The following RPRD2 variants were observed in gnomAD, a reference collection of about 807,000 sequenced individuals.
RPRD2 encodes regulation of nuclear pre-mRNA domain containing 2, also known as regulation of nuclear pre-mRNA domain-containing protein 2.
A neutral mutation model predicts 104.4 loss-of-function variants in RPRD2; 12 were observed. That is an observed-to-expected ratio of 0.11 (90% confidence interval 0.07 to 0.19). The LOEUF is 0.19. RPRD2 is among the 10% of genes least tolerant of loss of function. The pLI is 1.00. For synonymous variants in RPRD2, 714 were observed against 684.9 expected (o/e 1.04, Z -0.66); for missense variants, 1,543 against 1,790.1 (o/e 0.86, Z 2.49).
intron 1 of RPRD2, among the ~76,000 whole-genome samples, chr1:150,403,948 A>G (rs1348637397): frequency 1.3e-5 from 2 of 151,872 alleles, no homozygotes; most frequent in Non-Finnish European, 2.9e-5. Context: ...CTTTTACCCA[A>G]TGTTTTCTTA....
intron 1 of RPRD2, among the ~76,000 whole-genome samples, chr1:150,378,947 A>G (rs2102120397): frequency 6.7e-6 from 1 of 149,010 alleles, no homozygotes; most frequent in South Asian, 2.2e-4. Context: ...GTGCCACTGC[A>G]CATCAGCCTG....
chr1:150,465,644 C>T (rs74748085), intron 10 of RPRD2, among the ~76,000 whole-genome samples: 3,821 of 152,180 alleles, frequency 0.025, 155 homozygotes, highest in African/African-American at 0.087. Context: ...ATTCTTTCAC[C>T]TACACCATGA....
chr1:150,469,338 G>A (rs763257585), intron 10 of RPRD2, among the ~76,000 whole-genome samples: 148 of 152,276 alleles, frequency 9.7e-4, no homozygotes, highest in Non-Finnish European at 1.8e-3. Context: ...TGCAGTGGCA[G>A]AGTCATAGTT....
At chr1:150,437,414 C>A (rs372228664) in intron 2 of RPRD2, among the ~76,000 whole-genome samples, 143 of 152,192 alleles carry the variant, frequency 9.4e-4, no homozygotes, top group African/African-American at 3.3e-3. Flanking sequence ...AAGGCAAGAC[C>A]CTCCACCAGC....
At chr1:150,411,636 C>G (rs1663924539) in intron 1 of RPRD2, among the ~76,000 whole-genome samples, 1 of 127,086 alleles carries the variant, frequency 7.9e-6, no homozygotes, top group East Asian at 2.1e-4. Context: ...ACTGAAAATA[C>G]AAAAATTAGC....
chr1:150,379,631 A>G (rs1028405142), intron 1 of RPRD2, among the ~76,000 whole-genome samples: 1 of 152,148 alleles, frequency 6.6e-6, no homozygotes, highest in East Asian at 1.9e-4. Context: ...CGAACTCCCA[A>G]CCTCAGGTGA....
chr1:150,416,348 CAAGTAT>C (rs1178834467), intron 1 of RPRD2, among the ~76,000 whole-genome samples: 2 of 151,576 alleles, frequency 1.3e-5, no homozygotes, highest in African/African-American at 4.9e-5. Context: ...AATTGAAGAA[CAAGTAT>C]AATAGGAGTG....
intron 1 of RPRD2, among the ~76,000 whole-genome samples, chr1:150,369,819 C>T (rs1180827508): frequency 1.2e-4 from 18 of 150,182 alleles, no homozygotes; most frequent in African/African-American, 1.7e-4. Context: ...CTCACTCTGT[C>T]GCCTAGGCTG....
intron 1 of RPRD2, among the ~76,000 whole-genome samples, chr1:150,384,493 A>T (rs1249212126): frequency 7.0e-6 from 1 of 143,596 alleles, no homozygotes; most frequent in East Asian, 2.0e-4. Flanking sequence ...TATTATTATT[A>T]GGGATGGAGC....
At chr1:150,374,589 C>G (rs186297035) in intron 1 of RPRD2, among the ~76,000 whole-genome samples, 1 of 152,204 alleles carries the variant, frequency 6.6e-6, no homozygotes, top group East Asian at 1.9e-4. Context: ...ATGCTCTCTT[C>G]CAGTGTCAGA....
chr1:150,375,913 A>G (rs1262846179), intron 1 of RPRD2, among the ~76,000 whole-genome samples: 1 of 152,206 alleles, frequency 6.6e-6, no homozygotes, highest in Non-Finnish European at 1.5e-5. Context: ...TTGTCAAGGA[A>G]ACAAAAAGTA....
At chr1:150,380,255 C>G (rs1308238493) in intron 1 of RPRD2, among the ~76,000 whole-genome samples, 1 of 152,154 alleles carries the variant, frequency 6.6e-6, no homozygotes, top group Non-Finnish European at 1.5e-5. Flanking sequence ...ATAAATTTAG[C>G]TATTTGAAAA....
intron 2 of RPRD2, among the ~76,000 whole-genome samples, chr1:150,426,628 T>C (rs1665141788): frequency 6.6e-6 from 1 of 152,074 alleles, no homozygotes; most frequent in Non-Finnish European, 1.5e-5. Context: ...ACTAATTAAA[T>C]TTAAAACAAA....
chr1:150,435,648 G>A (rs1269446485), intron 2 of RPRD2, among the ~76,000 whole-genome samples: 8 of 152,232 alleles, frequency 5.3e-5, no homozygotes, highest in Admixed American at 5.2e-4. Flanking sequence ...TGAAGGTTGA[G>A]AGAGGTGAGG....
At chr1:150,379,151 C>T (rs587619680) in intron 1 of RPRD2, among the ~76,000 whole-genome samples, 24 of 149,336 alleles carry the variant, frequency 1.6e-4, no homozygotes, top group African/African-American at 5.2e-4. Flanking sequence ...GTCATGGTGG[C>T]GTGCGCCTGT....
chr1:150,377,167 C>A (rs146423251), intron 1 of RPRD2, among the ~76,000 whole-genome samples: 1 of 149,924 alleles, frequency 6.7e-6, no homozygotes, highest in East Asian at 2.0e-4. Flanking sequence ...GCTGAGATTA[C>A]GCCACTACAC....
At chr1:150,469,365 G>A (rs1668470707) in intron 10 of RPRD2, among the ~76,000 whole-genome samples, 1 of 152,086 alleles carries the variant, frequency 6.6e-6, no homozygotes, top group Non-Finnish European at 1.5e-5. Flanking sequence ...CTGTAACCTT[G>A]AACTGGGCAC....
At chr1:150,433,460 T>A (rs1166152375) in intron 2 of RPRD2, among the ~76,000 whole-genome samples, 1 of 144,172 alleles carries the variant, frequency 6.9e-6, no homozygotes, top group Non-Finnish European at 1.5e-5. Context: ...TTTTTTTTTT[T>A]TTGAGACGGA....
At position 150,364,337 on chromosome 1, in the gene RPRD2, G is replaced by A. The variant is rs782065067; in HGVS notation, c.-378G>A. On this transcript the variant is annotated 5_prime_UTR_variant, in exon 1 of 11. Transcript: ENST00000369068. ...GGAGTGTGGGAACAGGGGCGGGGAA[G>A]GGCCTTAGCACTGAGAGCCGAAAAG... Among the ~76,000 whole-genome samples, 5 of 152,160 alleles carry A rather than the reference G, an allele frequency of 3.3e-5. No individual in the cohort carries two copies. Among genetic ancestry groups the A allele is most frequent in the African/African-American group, 9.7e-5 (4 of 41,442 alleles).
Sources: gnomAD v4.1 joint callset for allele counts (sites outside exome capture counted in the v4.1 genomes callset) on GRCh38, gnomAD v4.1.1 for gene constraint, MANE v1.5 for transcripts, NCBI Gene and HGNC (gene_info 2026-07-23, HGNC 2026-07-21) for gene names.